DPYSL3: variants seen among roughly 807,000 people sequenced by gnomAD.
The protein encoded by DPYSL3 is dihydropyrimidinase like 3.
DPYSL3 carries 16 observed loss-of-function variants against 66.1 expected under a neutral mutation model. That is an observed-to-expected ratio of 0.24 (90% CI 0.16 to 0.37). The LOEUF is 0.37. Ranked by LOEUF, DPYSL3 falls within the 10% of genes least tolerant of loss-of-function variation. DPYSL3 has a pLI of 1.00. For synonymous variants in DPYSL3, 338 were observed against 345.1 expected (o/e 0.98, Z 0.23); for missense variants, 738 against 916.2 (o/e 0.81, Z 2.51).
chr5:147,439,819 G>A lies in DPYSL3; in HGVS notation c.382-14856C>T, dbSNP rs187114317. On this transcript the variant is annotated intron_variant, in intron 1 of 13. Transcript: ENST00000343218. ...GCTAATATACAGTTAGCTGGGACTC[G>A]ATCCCAGTATCTGTTGAAAACAATG... Among the ~76,000 whole-genome samples the A allele has an allele frequency of 7.9e-4, 121 of 152,232 alleles. 1 individual carries two copies. The highest frequency in any genetic ancestry group is 2.7e-3 in the African/African-American group (114 of 41,544).
intron 1 of DPYSL3, among the ~76,000 whole-genome samples, chr5:147,469,872 C>T (rs1753059879): frequency 2.0e-5 from 3 of 152,230 alleles, no homozygotes; most frequent in African/African-American, 7.2e-5. Flanking sequence ...GCCTCAGTTA[C>T]AATACAGTGG....
At chr5:147,502,880 T>C (rs1753634382) in intron 1 of DPYSL3, among the ~76,000 whole-genome samples, 1 of 152,050 alleles carries the variant, frequency 6.6e-6, no homozygotes, top group African/African-American at 2.4e-5. Context: ...CCGGCCTTAA[T>C]AATGCTTTTT....
chr5:147,454,417 A>G (rs1561794720), intron 1 of DPYSL3, among the ~76,000 whole-genome samples: 1 of 152,168 alleles, frequency 6.6e-6, no homozygotes, highest in Non-Finnish European at 1.5e-5. Context: ...CACATTAGAA[A>G]ATGGAAAGCC....
chr5:147,464,145 C>T (rs960192855), intron 1 of DPYSL3, among the ~76,000 whole-genome samples: 23 of 152,324 alleles, frequency 1.5e-4, no homozygotes, highest in African/African-American at 4.8e-4. Flanking sequence ...GAAGGGACAA[C>T]TGAAGTGCCA....
At chr5:147,493,305 G>T (rs1451518346) in intron 1 of DPYSL3, among the ~76,000 whole-genome samples, 2 of 152,198 alleles carry the variant, frequency 1.3e-5, no homozygotes, top group African/African-American at 4.8e-5. Flanking sequence ...GGACGTGGTG[G>T]TTCATGTCTG....
intron 4 of DPYSL3, among the ~76,000 whole-genome samples, chr5:147,415,136 C>A (rs1280579091): frequency 6.6e-6 from 1 of 152,124 alleles, no homozygotes; most frequent in African/African-American, 2.4e-5. Flanking sequence ...CACACGCTGG[C>A]AAACACACAG....
At chr5:147,419,732 T>C (rs1333708724) in intron 2 of DPYSL3, among the ~76,000 whole-genome samples, 1 of 152,146 alleles carries the variant, frequency 6.6e-6, no homozygotes, top group Non-Finnish European at 1.5e-5. Flanking sequence ...AAACTCCAAG[T>C]TCTGCGACTA....
chr5:147,509,649 G>T lies in DPYSL3; in HGVS notation c.210C>A (p.Gly70=), dbSNP rs1753730867. 1 of 1,535,712 alleles carries T rather than the reference G, an allele frequency of 6.5e-7. No homozygotes were observed. The highest frequency in any genetic ancestry group is 8.7e-7 in the Non-Finnish European group (1 of 1,146,688). ...RGAKTPRSGQ[G]SDRGSGSRPG... is the part of the protein sequence containing the mutation. ...GCCGACTCCCCGATCCTCGGTCGCT[G>T]CCCTGGCCGCTCCGAGGAGTCTTCG... The change falls in exon 1 of 14, where the codon GGC becomes GGA. Residue 70 remains glycine (G), a synonymous_variant. Coordinates refer to ENST00000343218, the MANE Select transcript of DPYSL3 (RefSeq NM_001197294.2). The surrounding 1 kb of genome is among the most constrained non-coding windows in gnomAD (Gnocchi z 5.3).
At chr5:147,404,845 A>C (rs1758288800) in intron 8 of DPYSL3, among the ~76,000 whole-genome samples, 2 of 152,094 alleles carry the variant, frequency 1.3e-5, no homozygotes, top group Admixed American at 6.6e-5. Flanking sequence ...CTCTAAAATA[A>C]CTTGTGTTAG....
intron 1 of DPYSL3, among the ~76,000 whole-genome samples, chr5:147,462,306 C>T (rs1157414785): frequency 1.3e-5 from 2 of 152,118 alleles, no homozygotes; most frequent in African/African-American, 4.8e-5. Context: ...GTTAATTATC[C>T]TTTCCTCCAC....
Position 147,408,921 on chromosome 5 carries a change from C to T in DPYSL3, c.964-125G>A, listed in dbSNP as rs1751784464. 4.2e-6 allele frequency: 4 copies of T among 947,886 alleles called. No homozygotes were observed. The Admixed American group carries it at 8.7e-5, about 21-fold the overall frequency. The allele number at this position is 947,886 out of a possible 1,614,324, so 58.7% of individuals were successfully genotyped here. ...CGTATGTTGAACAGATGTATTAATC[C>T]TATATTTGGAGTTGCAATATAGGGT... On this transcript the variant is annotated intron_variant, in intron 6 of 13. Transcript: ENST00000343218.
chr5:147,439,819 G>C (rs187114317), intron 1 of DPYSL3, among the ~76,000 whole-genome samples: 2 of 152,114 alleles, frequency 1.3e-5, no homozygotes, highest in Non-Finnish European at 2.9e-5. Flanking sequence ...GCTGGGACTC[G>C]ATCCCAGTAT....
At chr5:147,458,984 A>ATTT (rs61178145) in intron 1 of DPYSL3, among the ~76,000 whole-genome samples, 16 of 138,420 alleles carry the variant, frequency 1.2e-4, no homozygotes, top group African/African-American at 3.7e-4. Flanking sequence ...TAATATTTTG[A>ATTT]TTTTTTTTTT....
At chr5:147,436,180 G>A (rs911033084) in intron 1 of DPYSL3, among the ~76,000 whole-genome samples, 1 of 152,216 alleles carries the variant, frequency 6.6e-6, no homozygotes, top group South Asian at 2.1e-4. Flanking sequence ...GGAGTATGGA[G>A]CAGGGTAGAC....
intron 3 of DPYSL3, among the ~76,000 whole-genome samples, chr5:147,416,575 T>C (rs534972934): frequency 2.7e-4 from 41 of 152,316 alleles, no homozygotes; most frequent in Admixed American, 2.3e-3. Flanking sequence ...TACACTTTCA[T>C]AGTTCCCCTG....
At chr5:147,434,868 C>T (rs1205750169) in intron 1 of DPYSL3, among the ~76,000 whole-genome samples, 1 of 152,122 alleles carries the variant, frequency 6.6e-6, no homozygotes, top group Non-Finnish European at 1.5e-5. Flanking sequence ...TGTTAAGACC[C>T]GTAGAACTAC....
In DPYSL3 at chr5:147,415,275, T is replaced by C. The variant is rs17106698; in HGVS notation, c.820+434A>G. ...GCCATTGTTATATGATAGTAAGGGT[T>C]TGATCTCTACAGCAAAAATGATACA... On this transcript the variant is annotated intron_variant, in intron 4 of 13. Coordinates refer to ENST00000343218, the MANE Select transcript of DPYSL3 (RefSeq NM_001197294.2). Among the ~76,000 whole-genome samples the C allele has an allele frequency of 0.014, 2,107 of 152,274 alleles. 124 individuals are homozygous for C. The East Asian group carries it at 0.19, about 13-fold the overall frequency.
chr5:147,415,886 G>C lies in DPYSL3; in HGVS notation c.656-13C>G. ...ACCACATGGTCAACTGAATGACAGA[G>C]ACCCCAGATGAGTCACTCTCAGACA... is the stretch of plus-strand genomic sequence containing the variant. On this transcript the variant is annotated splice_polypyrimidine_tract_variant and intron_variant, in intron 3 of 13. Transcript: ENST00000343218. The C allele has an allele frequency of 6.2e-7, 1 of 1,612,098 alleles. No homozygotes were observed. Among genetic ancestry groups the C allele is most frequent in the African/African-American group, 1.3e-5 (1 of 75,010 alleles).
chr5:147,410,658 C>T (rs748686529), intron 6 of DPYSL3, among the ~76,000 whole-genome samples: 3 of 152,216 alleles, frequency 2.0e-5, no homozygotes, highest in Non-Finnish European at 4.4e-5. Flanking sequence ...GCTAAAGATG[C>T]TGTCGTCTTA....
Sources: allele counts gnomAD v4.1 joint callset (sites outside exome capture counted in the v4.1 genomes callset), GRCh38; gene constraint gnomAD v4.1.1; non-coding constraint Gnocchi (gnomAD v3.1); transcripts MANE v1.5; gene names NCBI Gene and HGNC (gene_info 2026-07-23, HGNC 2026-07-21).